GALNT10: variants seen among roughly 807,000 people sequenced by gnomAD.
GALNT10 encodes GalNAc transferase 10.
GALNT10 carries 41 observed loss-of-function variants against 75.0 expected under a neutral mutation model. The ratio of observed to expected loss-of-function variants is 0.55; its 90% CI spans 0.43 to 0.71. GALNT10 has a LOEUF of 0.71. Among genes scored for constraint, GALNT10 ranks in the 30% least tolerant of loss-of-function variants. The pLI, the probability that GALNT10 is intolerant of heterozygous loss-of-function variation, is 0.00. For synonymous variants in GALNT10, 302 were observed against 313.0 expected (o/e 0.96, Z 0.37); for missense variants, 727 against 818.5 (o/e 0.89, Z 1.36).
intron 4 of GALNT10, among the ~76,000 whole-genome samples, chr5:154,366,929 A>G (rs1194705234): frequency 6.6e-6 from 1 of 152,180 alleles, no homozygotes; most frequent in African/African-American, 2.4e-5. Context: ...GTGGCAGAGG[A>G]CCACCTGTCT....
At position 154,417,529 on chromosome 5, in the gene GALNT10, A is replaced by G. The variant is rs910393729; in HGVS notation, c.*557A>G. 1 of 153,540 alleles carries G rather than the reference A, an allele frequency of 6.5e-6. No individual in the cohort carries two copies. The highest frequency in any genetic ancestry group is 2.0e-4 in the South Asian group (1 of 4,886). The allele number at this position is 153,540 out of a possible 1,614,324, so 9.5% of individuals were successfully genotyped here. A position where few individuals can be genotyped will look rare whatever the true frequency, so the allele number is the denominator to read the frequency against. On this transcript the variant is annotated 3_prime_UTR_variant, in exon 12 of 12. Transcript: ENST00000297107. ...TGCACAGCTTCTGTTCTCTGTCACA[A>G]CCCCAGGTGATTTGGTCCGGTCAAA...
At chr5:154,237,107 A>G (rs1359906327) in intron 1 of GALNT10, among the ~76,000 whole-genome samples, 1 of 152,218 alleles carries the variant, frequency 6.6e-6, no homozygotes, top group African/African-American at 2.4e-5. Flanking sequence ...TGTCCCAGGT[A>G]GCAGAGAGTT....
At chr5:154,285,680 T>A (rs1038363845) in intron 1 of GALNT10, among the ~76,000 whole-genome samples, 1 of 152,204 alleles carries the variant, frequency 6.6e-6, no homozygotes, top group Admixed American at 6.5e-5. Flanking sequence ...ACCACTGTGA[T>A]AGCCTCCTTC....
At chr5:154,231,085 A>G (rs1484478807) in intron 1 of GALNT10, among the ~76,000 whole-genome samples, 1 of 152,126 alleles carries the variant, frequency 6.6e-6, no homozygotes, top group East Asian at 1.9e-4. Context: ...TATAGATGAG[A>G]GAAATAGGCT....
In GALNT10 at chr5:154,360,278, T is replaced by C. The variant is rs183705114; in HGVS notation, c.569-15999T>C. ...CAGCCTGGCCAACATGGTGAAACCC[T>C]GTCTCTACTAAAAATACAAAAATTT... On this transcript the variant is annotated intron_variant, in intron 4 of 11. Transcript: ENST00000297107. Among the ~76,000 whole-genome samples the C allele has an allele frequency of 7.0e-3, 1,059 of 151,850 alleles. 13 individuals are homozygous for C. Among genetic ancestry groups the C allele is most frequent in the African/African-American group, 0.024 (1,003 of 41,400 alleles).
intron 10 of GALNT10, among the ~76,000 whole-genome samples, chr5:154,413,892 T>C (rs12173130): frequency 0.18 from 28,096 of 152,154 alleles, 2,611 homozygotes; most frequent in East Asian, 0.27. Context: ...GTAAAGCATA[T>C]ATCTGATAAA....
chr5:154,370,566 A>G (rs142600237), intron 4 of GALNT10, among the ~76,000 whole-genome samples: 1 of 152,198 alleles, frequency 6.6e-6, no homozygotes, highest in Non-Finnish European at 1.5e-5. Context: ...CGGGCAGAGA[A>G]CCTGAGGCTG....
chr5:154,232,481 G>C (rs1753164911), intron 1 of GALNT10, among the ~76,000 whole-genome samples: 1 of 152,168 alleles, frequency 6.6e-6, no homozygotes, highest in Non-Finnish European at 1.5e-5. Flanking sequence ...CCAGTGGGGT[G>C]GTGGGGGAAC....
rs910858062 is a variant in GALNT10, at chr5:154,287,917, A to T, written c.160-6899A>T. Among the ~76,000 whole-genome samples the T allele has an allele frequency of 1.0e-3, 124 of 122,074 alleles. No individual in the cohort carries two copies. The South Asian group carries it at 0.015, about 15-fold the overall frequency. 80.1% of individuals were successfully genotyped at this position (122,074 alleles called of 152,430 possible). A position where few individuals can be genotyped will look rare whatever the true frequency, so the allele number is the denominator to read the frequency against. On this transcript the variant is annotated intron_variant, in intron 1 of 11. Transcript: ENST00000297107. ...GTGTGTGTGTGTGTGTGTGTGTGAG[A>T]GAGAGAGAGAGAGTGTGCATGTGTG... is the stretch of plus-strand genomic sequence containing the variant.
At chr5:154,294,744 G>T (rs1201753066) in intron 1 of GALNT10, 72 bp from the exon 2 acceptor site, 2 of 799,368 alleles carry the variant, frequency 2.5e-6, no homozygotes, top group East Asian at 4.9e-5. Flanking sequence ...GCTCCCTTAG[G>T]CAGTGTAACT....
intron 4 of GALNT10, among the ~76,000 whole-genome samples, chr5:154,369,026 A>C (rs1418874876): frequency 6.6e-6 from 1 of 152,190 alleles, no homozygotes; most frequent in Non-Finnish European, 1.5e-5. Context: ...CAAAACTTCT[A>C]TGAGACTCAT....
At chr5:154,204,145 G>A (rs908608523) in intron 1 of GALNT10, among the ~76,000 whole-genome samples, 1 of 152,176 alleles carries the variant, frequency 6.6e-6, no homozygotes, top group Admixed American at 6.5e-5. Flanking sequence ...TGTGACCCTA[G>A]TTGGGTCCCT....
In GALNT10 at chr5:154,415,775, G is replaced by C. The variant is rs1323726144; in HGVS notation, c.1504-8G>C. The C allele has an allele frequency of 6.2e-7, 1 of 1,613,566 alleles. No homozygotes were observed. The highest frequency in any genetic ancestry group is 8.5e-7 in the Non-Finnish European group (1 of 1,179,584). On this transcript the variant is annotated splice_region_variant and splice_polypyrimidine_tract_variant and intron_variant, in intron 10 of 11. Transcript: ENST00000297107. Reference sequence around the variant, plus strand: ...TGCTATCCCTATTTATGATGCCCCTGTGCACAGGTATTCACCTTCACCTGG... The same window carrying C: ...TGCTATCCCTATTTATGATGCCCCTCTGCACAGGTATTCACCTTCACCTGG...
intron 1 of GALNT10, among the ~76,000 whole-genome samples, chr5:154,223,231 T>C (rs1043985330): frequency 1.3e-5 from 2 of 152,196 alleles, no homozygotes; most frequent in African/African-American, 4.8e-5. Context: ...TACTAATCAT[T>C]ATTGCATGCG....
intron 1 of GALNT10, among the ~76,000 whole-genome samples, chr5:154,218,550 A>G (rs1752919684): frequency 6.6e-6 from 1 of 152,176 alleles, no homozygotes; most frequent in Non-Finnish European, 1.5e-5. Context: ...TAGAGTGCTA[A>G]CCACAAGTAA....
intron 7 of GALNT10, among the ~76,000 whole-genome samples, chr5:154,399,185 G>T (rs114742939): frequency 3.9e-5 from 6 of 152,318 alleles, no homozygotes; most frequent in East Asian, 1.9e-4. Flanking sequence ...TGCAGTGTCT[G>T]TCTGGGTCTT....
At chr5:154,219,824 T>A (rs1288241206) in intron 1 of GALNT10, 2 of 79,626 alleles carry the variant, frequency 2.5e-5, no homozygotes, top group Admixed American at 3.8e-4. Context: ...TCTCTCTCTC[T>A]CTCTCTCTCT....
intron 1 of GALNT10, among the ~76,000 whole-genome samples, chr5:154,230,090 A>T (rs1430182686): frequency 2.0e-5 from 3 of 152,276 alleles, no homozygotes; most frequent in Non-Finnish European, 4.4e-5. Context: ...CAAATAATAA[A>T]TTTTTTGTTT....
At chr5:154,375,592 A>G (rs919048926) in intron 4 of GALNT10, among the ~76,000 whole-genome samples, 3 of 152,158 alleles carry the variant, frequency 2.0e-5, no homozygotes, top group African/African-American at 7.2e-5. Context: ...CATCAGGACA[A>G]TGTTTCTCTC....
Sources: gnomAD v4.1 joint callset for allele counts (sites outside exome capture counted in the v4.1 genomes callset) on GRCh38, gnomAD v4.1.1 for gene constraint, MANE v1.5 for transcripts, NCBI Gene and HGNC (gene_info 2026-07-23, HGNC 2026-07-21) for gene names.